The following PAPPA variants were observed in gnomAD, a reference collection of about 807,000 sequenced individuals.
PAPPA encodes the protein pappalysin-1.
PAPPA carries 60 observed loss-of-function variants against 164.0 expected under a neutral mutation model. The ratio of observed to expected loss-of-function variants is 0.37; its 90% CI spans 0.30 to 0.45. The LOEUF is 0.45. PAPPA is among the 20% of genes least tolerant of loss of function. The probability of loss-of-function intolerance (pLI) is 1.00; values close to 1 mark genes in which losing one functional copy is unlikely to be tolerated. For synonymous variants in PAPPA, 875 were observed against 814.1 expected (o/e 1.07, Z -1.27); for missense variants, 1,782 against 2,087.3 (o/e 0.85, Z 2.85).
In PAPPA at chr9:116,374,892, G is replaced by A. The variant is rs531251512; in HGVS notation, c.4606-2684G>A. 5.3e-5 allele frequency among the ~76,000 whole-genome samples: 8 copies of A among 152,362 alleles called. No homozygotes were observed. In the East Asian group the frequency reaches 7.7e-4, roughly 15 times the overall value. On this transcript the variant is annotated intron_variant, in intron 19 of 21. Transcript: ENST00000328252. ...GGCTGGGAGGCAGAGGGGGAAGAAC[G>A]TAGCTTAATTGAAAGAAAGGAATAC...
chr9:116,296,866 T>A (rs1001393448), intron 9 of PAPPA, among the ~76,000 whole-genome samples: 5 of 152,066 alleles, frequency 3.3e-5, no homozygotes, highest in Non-Finnish European at 7.4e-5. Context: ...GTGTTTATTT[T>A]TTTTTTGAGA....
intron 18 of PAPPA, 143 bp from the exon 19 acceptor site, chr9:116,367,502 G>A (rs928709459): frequency 1.5e-6 from 1 of 646,536 alleles, no homozygotes; most frequent in Non-Finnish European, 2.8e-6. Flanking sequence ...TGCCTGGCTT[G>A]CCTTCTCCTT....
chr9:116,362,357 A>G (rs1278349391), intron 17 of PAPPA, among the ~76,000 whole-genome samples: 2 of 152,168 alleles, frequency 1.3e-5, no homozygotes, highest in African/African-American at 4.8e-5. Context: ...CATTCTGGAA[A>G]GCCTTGAACA....
At chr9:116,354,388 G>A (rs544516977) in intron 17 of PAPPA, among the ~76,000 whole-genome samples, 3 of 152,232 alleles carry the variant, frequency 2.0e-5, no homozygotes, top group African/African-American at 7.2e-5. Flanking sequence ...AGGAACAAAA[G>A]GCTGAAAAAA....
At chr9:116,177,633 C>T (rs1843852704) in intron 1 of PAPPA, among the ~76,000 whole-genome samples, 1 of 152,156 alleles carries the variant, frequency 6.6e-6, no homozygotes, top group Admixed American at 6.5e-5. Flanking sequence ...TGCACTGGTC[C>T]TTGACCATTT....
rs545106463 is a variant in PAPPA at position 116,274,598 on chromosome 9, C to T, written c.2953+3182C>T. On this transcript the variant is annotated intron_variant, in intron 9 of 21. Transcript: ENST00000328252. Reference sequence around the variant, plus strand: ...GGCATACCATGACTTAGATGTGTAACTTTGGCTAAGCCTCAGTGTTCTCAT... The same window carrying T: ...GGCATACCATGACTTAGATGTGTAATTTTGGCTAAGCCTCAGTGTTCTCAT... Among the ~76,000 whole-genome samples the T allele has an allele frequency of 2.6e-5, 4 of 152,316 alleles. No individual in the cohort carries two copies. The South Asian group carries it at 8.3e-4, about 32-fold the overall frequency.
chr9:116,240,879 A>C (rs1844727864), intron 7 of PAPPA, among the ~76,000 whole-genome samples: 2 of 152,208 alleles, frequency 1.3e-5, no homozygotes, highest in Non-Finnish European at 2.9e-5. Context: ...GAGAGCTAGA[A>C]ATATTCTTAA....
chr9:116,362,872 T>G, intron 18 of PAPPA, 133 bp downstream of exon 18: 1 of 821,142 alleles, frequency 1.2e-6, no homozygotes, highest in South Asian at 1.8e-5. Context: ...GAGAGATGAA[T>G]TAGTGTAGAC....
rs553948575 is a variant in PAPPA at position 116,274,777 on chromosome 9, A to G, written c.2953+3361A>G. On this transcript the variant is annotated intron_variant, in intron 9 of 21. Transcript: ENST00000328252. The stretch of plus-strand genomic sequence containing the variant: ...TAGTATAGAAGTTGATTATCCAAGC[A>G]TCTCCTTCTCCCCGTCTTCTGGGTA... Among the ~76,000 whole-genome samples the G allele has an allele frequency of 7.2e-5, 11 of 152,354 alleles. No homozygotes were observed. The South Asian group carries it at 2.1e-3, about 29-fold the overall frequency.
intron 5 of PAPPA, among the ~76,000 whole-genome samples, chr9:116,224,755 C>A (rs1321423873): frequency 3.9e-5 from 6 of 152,120 alleles, no homozygotes; most frequent in Admixed American, 3.3e-4. Flanking sequence ...GTTTAAATAG[C>A]CACATATGGC....
At chr9:116,289,243 A>G (rs1356433091) in intron 9 of PAPPA, among the ~76,000 whole-genome samples, 1 of 97,916 alleles carries the variant, frequency 1.0e-5, no homozygotes, top group Non-Finnish European at 2.1e-5. Flanking sequence ...GCATATATAT[A>G]TAGCATATAT....
chr9:116,351,682 T>C (rs1290502745), intron 15 of PAPPA, among the ~76,000 whole-genome samples: 1 of 152,156 alleles, frequency 6.6e-6, no homozygotes, highest in Non-Finnish European at 1.5e-5. Flanking sequence ...AGTCACCTCT[T>C]TCTGAGTCTT....
chr9:116,365,360 C>T (rs534809239), intron 18 of PAPPA, among the ~76,000 whole-genome samples: 1 of 152,020 alleles, frequency 6.6e-6, no homozygotes, highest in African/African-American at 2.4e-5. Context: ...GGGAAGGAGA[C>T]GCGGAGGCCT....
chr9:116,387,944 G>A (rs912894926), intron 21 of PAPPA, among the ~76,000 whole-genome samples: 4 of 152,144 alleles, frequency 2.6e-5, no homozygotes, highest in African/African-American at 9.7e-5. Context: ...CCAGAGTTAA[G>A]CACTCAGCAT....
At chr9:116,363,911 T>C (rs1011900354) in intron 18 of PAPPA, among the ~76,000 whole-genome samples, 1 of 152,156 alleles carries the variant, frequency 6.6e-6, no homozygotes, top group Non-Finnish European at 1.5e-5. Flanking sequence ...ACTCTTGTGT[T>C]TAGCCCAGGA....
chr9:116,338,542 T>C (rs1199735393), intron 13 of PAPPA, among the ~76,000 whole-genome samples: 1 of 152,096 alleles, frequency 6.6e-6, no homozygotes, highest in Non-Finnish European at 1.5e-5. Flanking sequence ...GATTCATAGG[T>C]AGGATTTGGA....
chr9:116,191,774 G>C (rs1564178984), intron 2 of PAPPA, among the ~76,000 whole-genome samples: 1 of 152,134 alleles, frequency 6.6e-6, no homozygotes, highest in Non-Finnish European at 1.5e-5. Context: ...GAGGGTCCTA[G>C]CAGGAAACAG....
At chr9:116,288,616 T>C (rs1845374678) in intron 9 of PAPPA, 1 of 152,104 alleles carries the variant, frequency 6.6e-6, no homozygotes, top group African/African-American at 2.4e-5. Flanking sequence ...GTTATTATAG[T>C]ATTTTTATTC....
At chr9:116,272,098 T>C (rs1013914084) in intron 9 of PAPPA, among the ~76,000 whole-genome samples, 1 of 152,174 alleles carries the variant, frequency 6.6e-6, no homozygotes, top group Non-Finnish European at 1.5e-5. Flanking sequence ...GGAGTCTGGC[T>C]GATCTTGTTG....
Sources: allele counts gnomAD v4.1 joint callset (sites outside exome capture counted in the v4.1 genomes callset), GRCh38; gene constraint gnomAD v4.1.1; transcripts MANE v1.5; gene names NCBI Gene and HGNC (gene_info 2026-07-23, HGNC 2026-07-21).